PCSK5: variants seen among roughly 807,000 people sequenced by gnomAD.
PCSK5 encodes proprotein convertase subtilisin/kexin type 5.
In PCSK5, 129 loss-of-function variants were observed where a neutral mutation model predicts 233.2. The ratio of observed to expected loss-of-function variants is 0.55; its 90% CI spans 0.48 to 0.64. The LOEUF (loss-of-function observed/expected upper bound fraction) is 0.64, where lower values mean the gene tolerates loss of function less well. PCSK5 is among the 30% of genes least tolerant of loss of function. PCSK5 has a pLI of 0.00. For missense variants in PCSK5, 2,076 were observed against 2,430.1 expected, an observed-to-expected ratio of 0.85 and a Z score of 3.06; for synonymous variants, 825 against 879.2, an observed-to-expected ratio of 0.94 and a Z score of 1.09.
At chr9:76,345,180 T>A (rs1022714608) in intron 35 of PCSK5, among the ~76,000 whole-genome samples, 8 of 145,338 alleles carry the variant, frequency 5.5e-5, no homozygotes, top group Non-Finnish European at 1.0e-4. Flanking sequence ...TTATTTTATT[T>A]TATTATTTTA....
chr9:76,345,686 T>A (rs1192194923), intron 35 of PCSK5, among the ~76,000 whole-genome samples: 1 of 151,996 alleles, frequency 6.6e-6, no homozygotes, highest in African/African-American at 2.4e-5. Flanking sequence ...CCTCCCAAAG[T>A]GCTGGGATTA....
chr9:76,047,965 A>T (rs2131550015), intron 5 of PCSK5, among the ~76,000 whole-genome samples: 1 of 152,256 alleles, frequency 6.6e-6, no homozygotes, highest in South Asian at 2.1e-4. Flanking sequence ...AGTTTATAAA[A>T]ATCTTTATCG....
At chr9:76,234,650 CCTT>C (rs1826194938) in intron 22 of PCSK5, among the ~76,000 whole-genome samples, 1 of 152,164 alleles carries the variant, frequency 6.6e-6, no homozygotes, top group African/African-American at 2.4e-5. Context: ...TATTCTGTTT[CCTT>C]CTTCATCTAC....
At chr9:76,109,438 T>TA (rs147036208) in intron 9 of PCSK5, among the ~76,000 whole-genome samples, 295 of 75,132 alleles carry the variant, frequency 3.9e-3, no homozygotes, top group South Asian at 9.5e-3. Context: ...TATTATTTTT[T>TA]TAAAAAAAAA....
At chr9:76,104,601 C>A (rs928452171) in intron 8 of PCSK5, among the ~76,000 whole-genome samples, 4 of 152,196 alleles carry the variant, frequency 2.6e-5, no homozygotes, top group African/African-American at 9.7e-5. Context: ...ATTGCAAATG[C>A]AAGATCATAA....
chr9:76,179,536 G>A, intron 14 of PCSK5, 60 bp from the exon 15 acceptor site: 3 of 1,232,258 alleles, frequency 2.4e-6, no homozygotes, highest in East Asian at 2.3e-5. Context: ...CAAATTCAAG[G>A]TAAAGCTGAC....
chr9:76,310,670 G>A lies in PCSK5; in HGVS notation c.3703G>A (p.Ala1235Thr). The change falls in exon 30 of 38, where the codon GCT (alanine) becomes ACT (threonine). Residue 1235 changes from alanine (A) to threonine (T), a missense_variant. This residue lies in a region of PCSK5 where 1,510 missense variants were observed against 1,538.1 expected (regional missense o/e 0.98). Coordinates refer to ENST00000674117, the MANE Select transcript of PCSK5 (RefSeq NM_001372043.1). Reference sequence around the variant, plus strand: ...TGAATTTCTAGGTGCATATCTTCTGGCTCAGGCCTGTGTTTCCTCCTGTCC... The same window carrying A: ...TGAATTTCTAGGTGCATATCTTCTGACTCAGGCCTGTGTTTCCTCCTGTCC... ...TSCPKGAYLL[A>T]QACVSSCPQG... 6.3e-7 allele frequency: 1 copy of A among 1,583,052 alleles called. No individual in the cohort carries two copies. Among genetic ancestry groups the A allele is most frequent in the Non-Finnish European group, 8.6e-7 (1 of 1,168,274 alleles).
chr9:76,141,158 C>G (rs999856493), intron 10 of PCSK5, among the ~76,000 whole-genome samples: 1 of 152,056 alleles, frequency 6.6e-6, no homozygotes, highest in Non-Finnish European at 1.5e-5. Context: ...TTTTGACTAT[C>G]AAGTAATGAA....
At position 76,343,865 on chromosome 9, in the gene PCSK5, T is replaced by C. The variant is rs539004232; in HGVS notation, c.4966+5418T>C. Among the ~76,000 whole-genome samples, 12 of 152,280 alleles carry C rather than the reference T, an allele frequency of 7.9e-5. No homozygotes were observed. In the South Asian group the frequency reaches 1.7e-3, roughly 21 times the overall value. On this transcript the variant is annotated intron_variant, in intron 35 of 37. Transcript: ENST00000674117. Reference sequence around the variant, plus strand: ...GTCCCCGCAGACCAGGCTAGTTTAATTTGTGTAATTGTACTTAGTGGTGTA... The same window carrying C: ...GTCCCCGCAGACCAGGCTAGTTTAACTTGTGTAATTGTACTTAGTGGTGTA...
At chr9:76,310,630 A>T in intron 29 of PCSK5, 26 bp from the exon 30 acceptor site, 1 of 1,480,158 alleles carries the variant, frequency 6.8e-7, no homozygotes, top group Non-Finnish European at 9.1e-7. Context: ...GACTATTCCC[A>T]TCTTCCCTCT....
chr9:76,146,528 G>GTA (rs34514445), intron 10 of PCSK5, among the ~76,000 whole-genome samples: 81,632 of 148,546 alleles, frequency 0.55, 22,613 homozygotes, highest in South Asian at 0.68. Flanking sequence ...ATACATGTAT[G>GTA]TATATATATA....
At chr9:76,073,725 A>G (rs1178680290) in intron 7 of PCSK5, among the ~76,000 whole-genome samples, 3 of 152,102 alleles carry the variant, frequency 2.0e-5, no homozygotes, top group South Asian at 2.1e-4. Context: ...ATGCGCATAT[A>G]TATATATAAA....
chr9:76,156,803 A>G (rs1038468569), intron 10 of PCSK5, among the ~76,000 whole-genome samples: 1 of 152,228 alleles, frequency 6.6e-6, no homozygotes, highest in African/African-American at 2.4e-5. Flanking sequence ...AGTGCCTGGC[A>G]TGGAGTAACA....
intron 7 of PCSK5, among the ~76,000 whole-genome samples, chr9:76,074,589 G>A (rs1477156941): frequency 6.6e-6 from 1 of 152,096 alleles, no homozygotes; most frequent in Non-Finnish European, 1.5e-5. Flanking sequence ...TAGGCTTTCA[G>A]GTTAGGCTAG....
intron 8 of PCSK5, 32 bp downstream of exon 8, chr9:76,096,134 G>C (rs1831497146): frequency 6.8e-7 from 1 of 1,465,126 alleles, no homozygotes; most frequent in Non-Finnish European, 9.5e-7. Context: ...ATCATGATCT[G>C]TTTATTTAAT....
intron 2 of PCSK5, among the ~76,000 whole-genome samples, chr9:75,962,272 C>T (rs947006273): frequency 6.6e-6 from 1 of 152,124 alleles, no homozygotes; most frequent in Non-Finnish European, 1.5e-5. Context: ...ATATGTCGTT[C>T]TTCCTTTAGC....
Position 75,963,748 on chromosome 9 carries a change from A to G in PCSK5, c.298-22384A>G, listed in dbSNP as rs552748800. Among the ~76,000 whole-genome samples the G allele has an allele frequency of 1.6e-4, 25 of 152,286 alleles. No individual in the cohort carries two copies. The South Asian group carries it at 4.8e-3, about 29-fold the overall frequency. On this transcript the variant is annotated intron_variant, in intron 2 of 37. Transcript: ENST00000674117. Reference sequence around the variant, plus strand: ...ACAAAAATTAGCCGGGCATGGTGGCACGCTCCTGTAATCCCTGCTACTTGG... The same window carrying G: ...ACAAAAATTAGCCGGGCATGGTGGCGCGCTCCTGTAATCCCTGCTACTTGG...
intron 2 of PCSK5, among the ~76,000 whole-genome samples, chr9:75,936,682 C>A (rs1824070129): frequency 6.6e-6 from 1 of 152,214 alleles, no homozygotes; most frequent in South Asian, 2.1e-4. Context: ...CCACTGAAGT[C>A]TTGCATTCCT....
rs534273937 is a variant in PCSK5, at chr9:76,110,286, G to A, written c.1208+2935G>A. ...TGAGCCTTTGAATGAAAAGCTGCAA[G>A]AGTCTGCCAGTCCCTATTTGAACTG... On this transcript the variant is annotated intron_variant, in intron 9 of 37. Coordinates refer to ENST00000674117, the MANE Select transcript of PCSK5 (RefSeq NM_001372043.1). 2.0e-4 allele frequency among the ~76,000 whole-genome samples: 30 copies of A among 152,314 alleles called. No homozygotes were observed. The South Asian group carries it at 2.5e-3, about 13-fold the overall frequency.
Sources: allele counts gnomAD v4.1 joint callset (sites outside exome capture counted in the v4.1 genomes callset), GRCh38; gene constraint gnomAD v4.1.1; regional missense constraint gnomAD v4.1.1; transcripts MANE v1.5; gene names NCBI Gene and HGNC (gene_info 2026-07-23, HGNC 2026-07-21).